ITGAM: variants seen among roughly 807,000 people sequenced by gnomAD.
The protein encoded by ITGAM is integrin subunit alpha M.
ITGAM carries 79 observed loss-of-function variants against 137.5 expected under a neutral mutation model. The ratio of observed to expected loss-of-function variants is 0.57; its 90% CI spans 0.48 to 0.69. The LOEUF is 0.69. Among genes scored for constraint, ITGAM ranks in the 30% least tolerant of loss-of-function variants. ITGAM has a pLI of 0.00. For missense variants in ITGAM, 1,343 were observed against 1,483.5 expected, an observed-to-expected ratio of 0.91 and a Z score of 1.56; for synonymous variants, 583 against 592.3, an observed-to-expected ratio of 0.98 and a Z score of 0.23.
intron 8 of ITGAM, 196 bp downstream of exon 8, chr16:31,273,714 T>G (rs1477041528): frequency 1.2e-5 from 6 of 513,298 alleles, no homozygotes; most frequent in Non-Finnish European, 3.4e-6. Flanking sequence ...CTTAAAATAA[T>G]AAGTAAGCCT....
At chr16:31,302,195 G>A (rs917992720) in intron 14 of ITGAM, among the ~76,000 whole-genome samples, 3 of 152,140 alleles carry the variant, frequency 2.0e-5, no homozygotes, top group African/African-American at 7.2e-5. Flanking sequence ...AATTCTCAGT[G>A]TAGAAAGGAA....
Position 31,330,495 on chromosome 16 carries a change from C to T in ITGAM, c.3175-9C>T, listed in dbSNP as rs200154248. The T allele has an allele frequency of 1.2e-5, 20 of 1,613,718 alleles. No individual in the cohort carries two copies. Among genetic ancestry groups the T allele is most frequent in the Non-Finnish European group, 1.6e-5 (19 of 1,179,608 alleles). ...CCCAGGTGCAGTGCCCACCCGCTCT[C>T]TTCCACAGACCTCGCATAACCACCT... On this transcript the variant is annotated splice_polypyrimidine_tract_variant and intron_variant, in intron 27 of 29. Transcript: ENST00000544665.
chr16:31,300,330 T>C lies in ITGAM; in HGVS notation c.1707+2376T>C, dbSNP rs140295856. Among the ~76,000 whole-genome samples the C allele has an allele frequency of 3.7e-3, 564 of 152,362 alleles. 5 individuals carry two copies. Among genetic ancestry groups the C allele is most frequent in the Non-Finnish European group, 4.9e-3 (330 of 68,036 alleles). ...GGATTATTAAATCATATGGTAGTTC[T>C]ATTTCTAATTTTTTGAGGAACTTCC... On this transcript the variant is annotated intron_variant, in intron 14 of 29. Coordinates refer to ENST00000544665, the MANE Select transcript of ITGAM (RefSeq NM_000632.4).
intron 14 of ITGAM, among the ~76,000 whole-genome samples, chr16:31,306,362 C>T (rs779348463): frequency 7.2e-5 from 11 of 152,056 alleles, no homozygotes; most frequent in Non-Finnish European, 1.0e-4. Context: ...AATTAAACAA[C>T]TAAAAGCTAC....
At chr16:31,330,743 C>T (rs535374124) in intron 28 of ITGAM, 138 bp downstream of exon 28, 5 of 644,986 alleles carry the variant, frequency 7.8e-6, no homozygotes, top group East Asian at 5.5e-5. Context: ...GATACAGAGA[C>T]GTAAGGAGAG....
chr16:31,291,612 G>A (rs80207419), intron 12 of ITGAM, among the ~76,000 whole-genome samples: 2,477 of 152,182 alleles, frequency 0.016, 70 homozygotes, highest in African/African-American at 0.056. Flanking sequence ...TCAGCCATAA[G>A]ATGAATGAAT....
At chr16:31,292,061 G>A (rs2080092564) in intron 12 of ITGAM, among the ~76,000 whole-genome samples, 1 of 151,864 alleles carries the variant, frequency 6.6e-6, no homozygotes, top group Admixed American at 6.6e-5. Context: ...CTATAAATAT[G>A]TGCAATTATT....
chr16:31,287,072 A>C (rs1184087472), intron 12 of ITGAM, among the ~76,000 whole-genome samples: 2 of 152,186 alleles, frequency 1.3e-5, no homozygotes, highest in Non-Finnish European at 2.9e-5. Flanking sequence ...GGTGTAAGGA[A>C]GGGGTTCAGT....
In ITGAM at chr16:31,331,202, C is replaced by G; in HGVS notation, c.3314C>G (p.Pro1105Arg). 1 of 1,613,408 alleles carries G rather than the reference C, an allele frequency of 6.2e-7. No individual in the cohort carries two copies. Among genetic ancestry groups the G allele is most frequent in the Non-Finnish European group, 8.5e-7 (1 of 1,179,590 alleles). The change falls in exon 29 of 30, where the codon CCC (proline) becomes CGC (arginine). Residue 1105 changes from proline (P) to arginine (R), a missense_variant. Pro to Arg is a moderately radical substitution (Grantham distance 103). Transcript: ENST00000544665. Reference sequence around the variant, plus strand: ...GTGGAGCCGTTCGAGGTCCCCAACCCCCTGCCGCTCATCGTGGGCAGCTCT... The same window carrying G: ...GTGGAGCCGTTCGAGGTCCCCAACCGCCTGCCGCTCATCGTGGGCAGCTCT... ...TKVEPFEVPN[P>R]LPLIVGSSVG...
At chr16:31,293,421 A>G (rs1046832974) in intron 12 of ITGAM, among the ~76,000 whole-genome samples, 1 of 152,102 alleles carries the variant, frequency 6.6e-6, no homozygotes, top group Admixed American at 6.6e-5. Context: ...TGATTTTTGT[A>G]TATGGTGTAA....
At chr16:31,275,785 C>T (rs981276328) in intron 9 of ITGAM, 86 bp downstream of exon 9, 1 of 1,382,518 alleles carries the variant, frequency 7.2e-7, no homozygotes, top group Non-Finnish European at 1.0e-6. Context: ...CCAGACCTTC[C>T]TAACCCTTGG....
rs115731145 is a variant in ITGAM, at chr16:31,267,507, C to G, written c.427+1360C>G. Among the ~76,000 whole-genome samples, 1,255 of 152,244 alleles carry G rather than the reference C, an allele frequency of 8.2e-3. 27 individuals are homozygous for G. The highest frequency in any genetic ancestry group is 0.029 in the African/African-American group (1,208 of 41,548). On this transcript the variant is annotated intron_variant, in intron 5 of 29. Coordinates refer to ENST00000544665, the MANE Select transcript of ITGAM (RefSeq NM_000632.4). ...TGTAACACCGCACTTTCTCCTTTTT[C>G]TCAAATTTCCATAATGACAGCACTC...
chr16:31,330,479 A>G (rs2080565984), intron 27 of ITGAM, 25 bp from the exon 28 acceptor site: 4 of 1,611,706 alleles, frequency 2.5e-6, no homozygotes, highest in South Asian at 2.2e-5. Flanking sequence ...GCCCAGGTGC[A>G]GTGCCCACCC....
chr16:31,318,515 C>T (rs755202580), intron 14 of ITGAM, among the ~76,000 whole-genome samples: 11 of 151,800 alleles, frequency 7.2e-5, no homozygotes, highest in Middle Eastern at 3.4e-3. Context: ...GGCTGATTTT[C>T]GTATTTTTAG....
chr16:31,328,900 A>ATG lies in ITGAM; in HGVS notation c.2793-318_2793-317dup, dbSNP rs367876132. 4.7e-4 allele frequency: 201 copies of ATG among 431,290 alleles called. 1 individual carries two copies. The highest frequency in any genetic ancestry group is 3.1e-3 in the African/African-American group (138 of 44,288). The allele number at this position is 431,290 out of a possible 1,614,324, so 26.7% of individuals were successfully genotyped here. A position where few individuals can be genotyped will look rare whatever the true frequency, so the allele number is the denominator to read the frequency against. ...TGTGTGCATGAGTGTGTATTCGTGC[A>ATG]TGTGTGTGTGTCTGAGGATCTATGT... On this transcript the variant is annotated intron_variant, in intron 23 of 29. Transcript: ENST00000544665.
intron 2 of ITGAM, among the ~76,000 whole-genome samples, chr16:31,262,078 A>G (rs1241468629): frequency 2.0e-5 from 3 of 152,176 alleles, no homozygotes; most frequent in Middle Eastern, 3.4e-3. Flanking sequence ...TGTGTGCATA[A>G]CACATACACG....
Position 31,271,907 on chromosome 16 carries a change from A to T in ITGAM, c.619A>T (p.Asn207Tyr). The T allele has an allele frequency of 6.2e-7, 1 of 1,614,010 alleles. No homozygotes were observed. The highest frequency in any genetic ancestry group is 1.1e-5 in the South Asian group (1 of 91,082). The change falls in exon 7 of 30, where the codon AAC (asparagine) becomes TAC (tyrosine). Residue 207 changes from asparagine to tyrosine, a missense_variant. By Grantham distance (143) the Asn-to-Tyr change is moderately radical. Coordinates refer to ENST00000544665, the MANE Select transcript of ITGAM (RefSeq NM_000632.4). ...RIHFTFKEFQNNPNPRSLVKP... is the reference protein window; with the variant it reads ...RIHFTFKEFQYNPNPRSLVKP... ...TCACTTTACCTTCAAAGAGTTCCAGAACAACCCTAACCCAAGATCACTGGT... is the reference window on the plus strand; with the variant it reads ...TCACTTTACCTTCAAAGAGTTCCAGTACAACCCTAACCCAAGATCACTGGT...
In ITGAM at chr16:31,329,153, C is replaced by G. The variant is rs184362527; in HGVS notation, c.2793-75C>G. The G allele has an allele frequency of 8.4e-4, 621 of 735,438 alleles. No individual in the cohort carries two copies. The highest frequency in any genetic ancestry group is 6.5e-3 in the Middle Eastern group (24 of 3,682). The allele number at this position is 735,438 out of a possible 1,614,324, so 45.6% of individuals were successfully genotyped here. A position where few individuals can be genotyped will look rare whatever the true frequency, so the allele number is the denominator to read the frequency against. On this transcript the variant is annotated intron_variant, in intron 23 of 29. Transcript: ENST00000544665. ...TACCCATGTGCCTGTTCGCTCCTTA[C>G]ACACTTAGCCTGAGACACCCTCCCA...
At chr16:31,272,423 CTATATATATATATATATA>C (rs1307190696) in intron 7 of ITGAM, among the ~76,000 whole-genome samples, 1,847 of 31,354 alleles carry the variant, frequency 0.059, 74 homozygotes, top group Middle Eastern at 0.15. Context: ...GGCCAATTAA[CTATATATATATATATATA>C]TATATATATA....
Sources: gnomAD v4.1 joint callset for allele counts (sites outside exome capture counted in the v4.1 genomes callset) on GRCh38, gnomAD v4.1.1 for gene constraint, MANE v1.5 for transcripts, NCBI Gene and HGNC (gene_info 2026-07-23, HGNC 2026-07-21) for gene names.